Variants in SLC25A21 observed in about 807,000 individuals in gnomAD.
SLC25A21 encodes mitochondrial 2-oxodicarboxylate carrier.
A neutral mutation model predicts 43.8 loss-of-function variants in SLC25A21; 47 were observed. That is an observed-to-expected ratio of 1.07 (90% confidence interval 0.85 to 1.37). The LOEUF (loss-of-function observed/expected upper bound fraction) is 1.37, where lower values mean the gene tolerates loss of function less well. Ranked by LOEUF, SLC25A21 falls within the 40% of genes most tolerant of loss-of-function variation. The pLI is 0.00. For missense variants in SLC25A21, 352 were observed against 350.2 expected, an observed-to-expected ratio of 1.00 and a Z score of -0.04; for synonymous variants, 131 against 121.3, an observed-to-expected ratio of 1.08 and a Z score of -0.52.
intron 1 of SLC25A21, among the ~76,000 whole-genome samples, chr14:37,168,899 C>T (rs1350418960): frequency 6.6e-6 from 1 of 152,090 alleles, no homozygotes; most frequent in Non-Finnish European, 1.5e-5. Context: ...GGCAGAATGC[C>T]CTGTGATTTC....
At chr14:37,001,351 T>G (rs1430393427) in intron 1 of SLC25A21, among the ~76,000 whole-genome samples, 1 of 152,144 alleles carries the variant, frequency 6.6e-6, no homozygotes, top group Non-Finnish European at 1.5e-5. Context: ...GTATTATCAA[T>G]TCACTTTATC....
At chr14:37,097,037 T>G (rs1341079748) in intron 1 of SLC25A21, 1 of 149,070 alleles carries the variant, frequency 6.7e-6, no homozygotes, top group East Asian at 1.9e-4. Flanking sequence ...TTGTTTTTTT[T>G]TTTTGTTTTT....
Position 37,000,808 on chromosome 14 carries a change from C to T in SLC25A21, c.71-125804G>A, listed in dbSNP as rs974024150. Among the ~76,000 whole-genome samples, 4 of 151,774 alleles carry T rather than the reference C, an allele frequency of 2.6e-5. No individual in the cohort carries two copies. The East Asian group carries it at 7.7e-4, about 29-fold the overall frequency. ...TGTGGCACTTCCTTTTTCACTGCCTCGCTCTCCCTGCTCCCATGTGAAGAA... is the reference window on the plus strand; with the variant it reads ...TGTGGCACTTCCTTTTTCACTGCCTTGCTCTCCCTGCTCCCATGTGAAGAA... On this transcript the variant is annotated intron_variant, in intron 1 of 9. Coordinates refer to ENST00000331299, the MANE Select transcript of SLC25A21 (RefSeq NM_030631.4).
At chr14:36,850,692 C>G (rs1267562573) in intron 2 of SLC25A21, among the ~76,000 whole-genome samples, 1 of 152,182 alleles carries the variant, frequency 6.6e-6, no homozygotes, top group African/African-American at 2.4e-5. Context: ...CTACCAGCAT[C>G]TAAGATCTAC....
intron 1 of SLC25A21, among the ~76,000 whole-genome samples, chr14:37,054,807 C>G (rs1365283442): frequency 6.6e-6 from 1 of 152,120 alleles, no homozygotes; most frequent in East Asian, 1.9e-4. Flanking sequence ...TTTCTGATCC[C>G]CAATCTCTCG....
chr14:37,013,000 T>C (rs1287414223), intron 1 of SLC25A21, among the ~76,000 whole-genome samples: 1 of 152,212 alleles, frequency 6.6e-6, no homozygotes, highest in East Asian at 1.9e-4. Flanking sequence ...GGGAGAGTGG[T>C]GGATTGCGCA....
At chr14:36,854,954 C>T (rs1889854994) in intron 2 of SLC25A21, among the ~76,000 whole-genome samples, 1 of 150,824 alleles carries the variant, frequency 6.6e-6, no homozygotes, top group South Asian at 2.1e-4. Context: ...ATTCTGCCAT[C>T]CTTGGAATTG....
At chr14:36,885,097 T>C (rs1014735856) in intron 1 of SLC25A21, among the ~76,000 whole-genome samples, 1 of 152,192 alleles carries the variant, frequency 6.6e-6, no homozygotes, top group Non-Finnish European at 1.5e-5. Flanking sequence ...CAGTTTCAGC[T>C]CTTACGTTTA....
In SLC25A21 at chr14:36,884,427, G is replaced by A. The variant is rs1233245147; in HGVS notation, c.71-9423C>T. Among the ~76,000 whole-genome samples the A allele has an allele frequency of 2.0e-5, 3 of 152,116 alleles. No individual in the cohort carries two copies. In the East Asian group the frequency reaches 5.8e-4, roughly 29 times the overall value. On this transcript the variant is annotated intron_variant, in intron 1 of 9. Transcript: ENST00000331299. ...TCTTGACTACTGTGAATAATGCTAT[G>A]ATTAACATGGGAGTGCAGTTATCTC...
At chr14:36,792,266 A>AG (rs1376615459) in intron 3 of SLC25A21, among the ~76,000 whole-genome samples, 1 of 152,150 alleles carries the variant, frequency 6.6e-6, no homozygotes, top group African/African-American at 2.4e-5. Context: ...AGAGAGAAAA[A>AG]GAAAGTGTAT....
At chr14:36,921,187 G>T (rs1413830703) in intron 1 of SLC25A21, among the ~76,000 whole-genome samples, 1 of 151,966 alleles carries the variant, frequency 6.6e-6, no homozygotes, top group Non-Finnish European at 1.5e-5. Flanking sequence ...AATGAACTTT[G>T]CCCTACACTG....
intron 9 of SLC25A21, 147 bp from the exon 10 acceptor site, chr14:36,680,866 T>C (rs1444540823): frequency 4.0e-6 from 2 of 504,534 alleles, no homozygotes; most frequent in Non-Finnish European, 3.4e-6. Context: ...AATACCAAGA[T>C]ATAAACTACT....
At chr14:36,975,470 G>T (rs113199995) in intron 1 of SLC25A21, among the ~76,000 whole-genome samples, 1 of 152,130 alleles carries the variant, frequency 6.6e-6, no homozygotes, top group Non-Finnish European at 1.5e-5. Flanking sequence ...CTACTACTCC[G>T]TCTAGAAAAT....
intron 1 of SLC25A21, among the ~76,000 whole-genome samples, chr14:37,052,665 G>T (rs1162378440): frequency 2.0e-5 from 3 of 151,306 alleles, no homozygotes; most frequent in Admixed American, 1.3e-4. Context: ...CCGAGACAGA[G>T]TCTTACTCTG....
intron 3 of SLC25A21, among the ~76,000 whole-genome samples, chr14:36,780,789 T>G (rs2044028873): frequency 6.6e-6 from 1 of 152,050 alleles, no homozygotes; most frequent in Admixed American, 6.5e-5. Context: ...GAGAAGAATG[T>G]GTATTTTGCT....
At chr14:36,766,366 GA>G (rs978108910) in intron 3 of SLC25A21, among the ~76,000 whole-genome samples, 5 of 152,170 alleles carry the variant, frequency 3.3e-5, no homozygotes, top group Non-Finnish European at 1.5e-5. Context: ...TGTGGGCTGT[GA>G]TCACAGAAAG....
At chr14:37,084,668 T>C (rs557637357) in intron 1 of SLC25A21, among the ~76,000 whole-genome samples, 2 of 152,350 alleles carry the variant, frequency 1.3e-5, no homozygotes, top group South Asian at 4.1e-4. Context: ...CAGTCATAAA[T>C]ACTTGAATGC....
chr14:36,887,727 T>C (rs1486229903), intron 1 of SLC25A21, among the ~76,000 whole-genome samples: 14 of 152,164 alleles, frequency 9.2e-5, no homozygotes, highest in Admixed American at 7.9e-4. Flanking sequence ...CACACAAGAC[T>C]TGCCCATTTC....
chr14:36,947,972 T>C (rs537342103), intron 1 of SLC25A21, among the ~76,000 whole-genome samples: 1 of 152,260 alleles, frequency 6.6e-6, no homozygotes, highest in East Asian at 1.9e-4. Context: ...TAACCAGATA[T>C]TTCTTTTTCC....
Sources: allele counts gnomAD v4.1 joint callset (sites outside exome capture counted in the v4.1 genomes callset), GRCh38; gene constraint gnomAD v4.1.1; transcripts MANE v1.5; gene names NCBI Gene and HGNC (gene_info 2026-07-23, HGNC 2026-07-21).